CMIP: variants seen among roughly 807,000 people sequenced by gnomAD.
CMIP encodes the protein c-Maf inducing protein.
A neutral mutation model predicts 97.3 loss-of-function variants in CMIP; 13 were observed. The observed-to-expected ratio is 0.13, with a 90% CI of 0.09 to 0.21. The LOEUF (loss-of-function observed/expected upper bound fraction) is 0.21. CMIP is among the 10% of genes least tolerant of loss of function. The pLI is 1.00. For missense variants in CMIP, 847 were observed against 1,024.9 expected, an observed-to-expected ratio of 0.83 and a Z score of 2.37; for synonymous variants, 538 against 436.3, an observed-to-expected ratio of 1.23 and a Z score of -2.91.
At chr16:81,483,714 C>G (rs1245003693) in intron 1 of CMIP, among the ~76,000 whole-genome samples, 1 of 152,220 alleles carries the variant, frequency 6.6e-6, no homozygotes, top group Non-Finnish European at 1.5e-5. Flanking sequence ...GTCTGGGGAC[C>G]TTTCTCGGCC....
In CMIP at chr16:81,630,675, G is replaced by A. The variant is rs528692738; in HGVS notation, c.477+9749G>A. 80 of 152,198 alleles carry A rather than the reference G, an allele frequency of 5.3e-4. 1 individual carries two copies. The highest frequency in any genetic ancestry group is 6.8e-3 in the Middle Eastern group (2 of 294). 9.4% of individuals were successfully genotyped at this position (152,198 alleles called of 1,614,324 possible). A position where few individuals can be genotyped will look rare whatever the true frequency, so the allele number is the denominator to read the frequency against. On this transcript the variant is annotated intron_variant, in intron 3 of 20. Transcript: ENST00000537098. The stretch of plus-strand genomic sequence containing the variant: ...GGGGAGGCAAGGATGGGCGGGAGTC[G>A]GCCTTGATCCCCTTCCAGGCCCAGC...
chr16:81,478,876 C>G (rs1429600554), intron 1 of CMIP, among the ~76,000 whole-genome samples: 1 of 152,110 alleles, frequency 6.6e-6, no homozygotes, highest in Admixed American at 6.5e-5. Flanking sequence ...TCTTCCCCAC[C>G]TCCCAGCCAG....
intron 1 of CMIP, among the ~76,000 whole-genome samples, chr16:81,551,902 G>A (rs530673071): frequency 2.0e-5 from 3 of 152,288 alleles, no homozygotes; most frequent in Admixed American, 6.5e-5. Context: ...AAGACTCCCC[G>A]GTCCAGGGAC....
intron 3 of CMIP, among the ~76,000 whole-genome samples, chr16:81,649,130 TG>T (rs2092398638): frequency 1.3e-5 from 2 of 152,188 alleles, no homozygotes; most frequent in South Asian, 4.1e-4. Flanking sequence ...GAGGATTGAG[TG>T]GGATAAAGCT....
intron 1 of CMIP, among the ~76,000 whole-genome samples, chr16:81,482,923 C>T (rs1171989894): frequency 6.6e-6 from 1 of 152,230 alleles, no homozygotes; most frequent in Non-Finnish European, 1.5e-5. Flanking sequence ...CTCGTCCGTT[C>T]AGCAGATGGC....
At chr16:81,527,994 A>G (rs968659564) in intron 1 of CMIP, among the ~76,000 whole-genome samples, 61 of 152,174 alleles carry the variant, frequency 4.0e-4, no homozygotes, top group African/African-American at 1.4e-3. Flanking sequence ...TTTTGTAGAG[A>G]AAACCAACCT....
rs1002185116 is a variant in CMIP, at chr16:81,616,070, G to A, written c.427-4806G>A. On this transcript the variant is annotated intron_variant, in intron 2 of 20. Transcript: ENST00000537098. This position sits in a 1 kb window ranked among gnomAD's most constrained non-coding sequence, Gnocchi z 4.7. ...GCTGTCTCTGCCTCCCTGGAAGGAGGCGCAGGAGAGTTCCGCATCGAGACT... is the reference window on the plus strand; with the variant it reads ...GCTGTCTCTGCCTCCCTGGAAGGAGACGCAGGAGAGTTCCGCATCGAGACT... Among the ~76,000 whole-genome samples, 1 of 152,170 alleles carries A rather than the reference G, an allele frequency of 6.6e-6. No homozygotes were observed. Among genetic ancestry groups the A allele is most frequent in the African/African-American group, 2.4e-5 (1 of 41,436 alleles).
At chr16:81,484,381 G>A (rs1303771768) in intron 1 of CMIP, among the ~76,000 whole-genome samples, 1 of 152,222 alleles carries the variant, frequency 6.6e-6, no homozygotes, top group African/African-American at 2.4e-5. Context: ...CCGAGGTTTG[G>A]GATGTGTGGC....
chr16:81,670,025 C>A (rs745904172), intron 7 of CMIP, 117 bp from the exon 8 acceptor site: 23 of 937,572 alleles, frequency 2.5e-5, no homozygotes, highest in Admixed American at 2.3e-4. Flanking sequence ...CCATTGCCTT[C>A]CACATCAACA....
chr16:81,508,284 A>AT (rs1332074840), intron 1 of CMIP, among the ~76,000 whole-genome samples: 1 of 152,220 alleles, frequency 6.6e-6, no homozygotes, highest in Non-Finnish European at 1.5e-5. Flanking sequence ...AGGCCACAGC[A>AT]TCCCTGGTTT....
chr16:81,536,494 G>A (rs1476954032), intron 1 of CMIP, among the ~76,000 whole-genome samples: 2 of 152,140 alleles, frequency 1.3e-5, no homozygotes, highest in Non-Finnish European at 2.9e-5. Context: ...AGAACATAAT[G>A]CCCTGTCCTA....
At chr16:81,604,005 G>T (rs950411334) in intron 1 of CMIP, among the ~76,000 whole-genome samples, 3 of 152,214 alleles carry the variant, frequency 2.0e-5, no homozygotes, top group Admixed American at 6.5e-5. Context: ...AGGACACACA[G>T]TAAGCGGCCC....
chr16:81,696,897 C>G (rs145460639), intron 14 of CMIP: 1 of 580,776 alleles, frequency 1.7e-6, no homozygotes, highest in African/African-American at 1.9e-5. Context: ...CCCAGTTGCA[C>G]TCAGCTCTCA....
chr16:81,613,274 G>C (rs932043447), intron 2 of CMIP, among the ~76,000 whole-genome samples: 1 of 152,160 alleles, frequency 6.6e-6, no homozygotes, highest in Non-Finnish European at 1.5e-5. Context: ...AGCTACCATG[G>C]AGAAATAATG....
chr16:81,469,294 G>T (rs1209414592), intron 1 of CMIP, among the ~76,000 whole-genome samples: 1 of 152,240 alleles, frequency 6.6e-6, no homozygotes, highest in Non-Finnish European at 1.5e-5. Context: ...CAGCATGTTG[G>T]AAGTTCTACC....
chr16:81,620,941 G>A lies in CMIP; in HGVS notation c.477+15G>A, dbSNP rs769261164. On this transcript the variant is annotated intron_variant, in intron 3 of 20. Transcript: ENST00000537098. Reference sequence around the variant, plus strand: ...TGCAATGGAAGGTAAGTACTGACTCGGTTGCTTGTTTAAAGCGACTCAGGC... The same window carrying A: ...TGCAATGGAAGGTAAGTACTGACTCAGTTGCTTGTTTAAAGCGACTCAGGC... The A allele has an allele frequency of 5.1e-5, 83 of 1,613,558 alleles. No homozygotes were observed. The highest frequency in any genetic ancestry group is 2.5e-4 in the South Asian group (23 of 91,066).
intron 3 of CMIP, among the ~76,000 whole-genome samples, chr16:81,649,090 A>G (rs1456259297): frequency 2.6e-5 from 4 of 152,204 alleles, no homozygotes; most frequent in Non-Finnish European, 5.9e-5. Context: ...GGTCCTCCCT[A>G]TGACAAGCCC....
Position 81,469,916 on chromosome 16 carries a change from C to T in CMIP, c.300+24375C>T, listed in dbSNP as rs145816954. Among the ~76,000 whole-genome samples the T allele has an allele frequency of 5.0e-4, 76 of 152,298 alleles. No homozygotes were observed. In the East Asian group the frequency reaches 0.013, roughly 26 times the overall value. ...GAGGAGGGCCTTCTTTGGGGTCCTC[C>T]TGTCTGCTGCACCCTTGACCTTGTC... On this transcript the variant is annotated intron_variant, in intron 1 of 20. Transcript: ENST00000537098.
chr16:81,629,394 C>T (rs1365599263), intron 3 of CMIP, among the ~76,000 whole-genome samples: 4 of 152,102 alleles, frequency 2.6e-5, no homozygotes, highest in Non-Finnish European at 5.9e-5. Flanking sequence ...TGGCCTTGCA[C>T]CTGACTCCCT....
Sources: allele counts gnomAD v4.1 joint callset (sites outside exome capture counted in the v4.1 genomes callset), GRCh38; gene constraint gnomAD v4.1.1; non-coding constraint Gnocchi (gnomAD v3.1); transcripts MANE v1.5; gene names NCBI Gene and HGNC (gene_info 2026-07-23, HGNC 2026-07-21).